The following TTBK2 variants were observed in gnomAD, a reference collection of about 807,000 sequenced individuals.
TTBK2 encodes tau-tubulin kinase 2.
Under a neutral mutation model 110.8 loss-of-function variants are expected in TTBK2, and 28 were observed. The observed-to-expected ratio is 0.25, with a 90% CI of 0.19 to 0.35. The LOEUF (loss-of-function observed/expected upper bound fraction) is 0.35, where lower values mean the gene tolerates loss of function less well. TTBK2 is among the 10% of genes least tolerant of loss of function. TTBK2 has a pLI of 1.00. For synonymous variants in TTBK2, 532 were observed against 527.3 expected, an observed-to-expected ratio of 1.01 and a Z score of -0.12; for missense variants, 1,369 against 1,500.3, an observed-to-expected ratio of 0.91 and a Z score of 1.45.
intron 6 of TTBK2, among the ~76,000 whole-genome samples, chr15:42,826,301 AAAG>A (rs925654692): frequency 1.8e-4 from 27 of 152,098 alleles, no homozygotes; most frequent in African/African-American, 6.0e-4. Flanking sequence ...CCAAAACTTT[AAAG>A]AAGGAGACAG....
intron 3 of TTBK2, among the ~76,000 whole-genome samples, chr15:42,847,970 C>T (rs1181979270): frequency 6.6e-6 from 1 of 152,272 alleles, no homozygotes; most frequent in Non-Finnish European, 1.5e-5. Flanking sequence ...TTCAGCCTCC[C>T]GAGCAGCGGG....
intron 1 of TTBK2, among the ~76,000 whole-genome samples, chr15:42,896,473 TC>T (rs1895673119): frequency 6.6e-6 from 1 of 151,884 alleles, no homozygotes; most frequent in African/African-American, 2.4e-5. Flanking sequence ...TCATAATGTA[TC>T]ACAGACCTAA....
Position 42,872,564 on chromosome 15 carries a change from T to C in TTBK2, c.217+47A>G, listed in dbSNP as rs368861758. The C allele has an allele frequency of 3.1e-6, 5 of 1,593,404 alleles. No homozygotes were observed. In the African/African-American group the frequency reaches 6.8e-5, roughly 22 times the overall value. On this transcript the variant is annotated intron_variant, in intron 3 of 14. Coordinates refer to ENST00000267890, the MANE Select transcript of TTBK2 (RefSeq NM_173500.4). ...GGTTCAGGAAGATACAAATAAATTA[T>C]AAATTAACATACAAATCATAAATTG...
intron 3 of TTBK2, among the ~76,000 whole-genome samples, chr15:42,842,412 C>A (rs1055604589): frequency 6.6e-6 from 1 of 151,976 alleles, no homozygotes; most frequent in Non-Finnish European, 1.5e-5. Context: ...GGGGCAGAAG[C>A]CAGTTTATAA....
In TTBK2 at chr15:42,762,973, C is replaced by T. The variant is rs527310082; in HGVS notation, c.1999-9726G>A. On this transcript the variant is annotated intron_variant, in intron 13 of 14. Coordinates refer to ENST00000267890, the MANE Select transcript of TTBK2 (RefSeq NM_173500.4). Reference sequence around the variant, plus strand: ...GGTTATTAGAGGCTGGAAAGAGTAGCGGGAACGGGGAGATAGGGAAAGATT... The same window carrying T: ...GGTTATTAGAGGCTGGAAAGAGTAGTGGGAACGGGGAGATAGGGAAAGATT... 1.6e-4 allele frequency among the ~76,000 whole-genome samples: 23 copies of T among 148,046 alleles called. No individual in the cohort carries two copies. The East Asian group carries it at 2.0e-3, about 13-fold the overall frequency.
At chr15:42,893,420 C>A (rs1389902562) in intron 1 of TTBK2, among the ~76,000 whole-genome samples, 1 of 152,040 alleles carries the variant, frequency 6.6e-6, no homozygotes, top group African/African-American at 2.4e-5. Flanking sequence ...AATTTAAGCA[C>A]AGAAGGTTGA....
chr15:42,826,422 C>T (rs1892539164), intron 6 of TTBK2, among the ~76,000 whole-genome samples: 1 of 152,112 alleles, frequency 6.6e-6, no homozygotes, highest in Non-Finnish European at 1.5e-5. Context: ...ACATCAATGC[C>T]TTACGGTTTT....
chr15:42,911,242 T>C (rs913900293), intron 1 of TTBK2, among the ~76,000 whole-genome samples: 1 of 152,186 alleles, frequency 6.6e-6, no homozygotes, highest in Non-Finnish European at 1.5e-5. Context: ...CCCATTCCCG[T>C]ACATACATTC....
chr15:42,830,876 G>A lies in TTBK2; in HGVS notation c.292-798C>T, dbSNP rs1019488014. 5.3e-5 allele frequency among the ~76,000 whole-genome samples: 8 copies of A among 151,858 alleles called. No individual in the cohort carries two copies. The East Asian group carries it at 7.8e-4, about 15-fold the overall frequency. ...AAAATTTAGCCGGGTGTGGTGGTAC[G>A]CGCCTGTAGTCCCAGCTACTCGGGA... On this transcript the variant is annotated intron_variant, in intron 4 of 14. Transcript: ENST00000267890.
At chr15:42,790,889 G>C (rs1890641917) in intron 10 of TTBK2, among the ~76,000 whole-genome samples, 1 of 151,678 alleles carries the variant, frequency 6.6e-6, no homozygotes, top group Non-Finnish European at 1.5e-5. Context: ...TTTTTTGTTT[G>C]TTTGTTTGTT....
chr15:42,771,885 G>T (rs1293848655), intron 13 of TTBK2, among the ~76,000 whole-genome samples: 1 of 152,146 alleles, frequency 6.6e-6, no homozygotes, highest in African/African-American at 2.4e-5. Context: ...ACCAGCGTCT[G>T]ACTCTTCATG....
intron 1 of TTBK2, among the ~76,000 whole-genome samples, chr15:42,885,774 T>C (rs1238010852): frequency 2.0e-5 from 3 of 152,184 alleles, no homozygotes; most frequent in Non-Finnish European, 4.4e-5. Flanking sequence ...TCTTTCACTA[T>C]GGGCAACCTT....
intron 14 of TTBK2, among the ~76,000 whole-genome samples, chr15:42,746,712 T>G (rs2061798824): frequency 6.8e-6 from 1 of 147,516 alleles, no homozygotes; most frequent in African/African-American, 2.5e-5. Context: ...AATGTAAGTG[T>G]TTTTTTTTTT....
At chr15:42,915,999 C>CA (rs914980195) in intron 1 of TTBK2, among the ~76,000 whole-genome samples, 29 of 149,100 alleles carry the variant, frequency 1.9e-4, no homozygotes, top group Non-Finnish European at 7.4e-5. Flanking sequence ...AAATAGGGAG[C>CA]AAAAAGAAAA....
intron 1 of TTBK2, among the ~76,000 whole-genome samples, chr15:42,878,973 G>A (rs1426972668): frequency 6.6e-6 from 1 of 152,132 alleles, no homozygotes; most frequent in African/African-American, 2.4e-5. Context: ...TGATGTCAAT[G>A]GCACTTGAAC....
At chr15:42,798,241 C>T (rs1490310940) in intron 9 of TTBK2, 2 of 456,166 alleles carry the variant, frequency 4.4e-6, no homozygotes, top group Non-Finnish European at 8.8e-6. Context: ...CCCATCAGAA[C>T]AGGGACTCAC....
chr15:42,884,927 T>A (rs985346057), intron 1 of TTBK2, among the ~76,000 whole-genome samples: 4 of 152,146 alleles, frequency 2.6e-5, no homozygotes, highest in Non-Finnish European at 5.9e-5. Flanking sequence ...AGGTTCTTTG[T>A]AATCTCCCCC....
At chr15:42,751,238 G>A (rs756537182) in intron 14 of TTBK2, among the ~76,000 whole-genome samples, 4 of 152,184 alleles carry the variant, frequency 2.6e-5, no homozygotes, top group Non-Finnish European at 4.4e-5. Context: ...ATTAGTTTAT[G>A]TGTTTGAACA....
chr15:42,786,012 C>G (rs542209951), intron 10 of TTBK2, among the ~76,000 whole-genome samples: 1 of 151,922 alleles, frequency 6.6e-6, no homozygotes, highest in Non-Finnish European at 1.5e-5. Context: ...ACTTGGTAAC[C>G]GATGACCTTC....
Sources: gnomAD v4.1 joint callset for allele counts (sites outside exome capture counted in the v4.1 genomes callset) on GRCh38, gnomAD v4.1.1 for gene constraint, MANE v1.5 for transcripts, NCBI Gene and HGNC (gene_info 2026-07-23, HGNC 2026-07-21) for gene names.